The following SCFD1 variants were observed in gnomAD, a reference collection of about 807,000 sequenced individuals.
The protein encoded by SCFD1 is sec1 family domain containing 1, also known as sec1 family domain-containing protein 1.
In SCFD1, 37 loss-of-function variants were observed where a neutral mutation model predicts 103.2. That is an observed-to-expected ratio of 0.36 (90% CI 0.28 to 0.47). SCFD1 has a LOEUF of 0.47. SCFD1 is among the 20% of genes least tolerant of loss of function. The pLI, the probability that SCFD1 is intolerant of heterozygous loss-of-function variation, is 1.00. For missense variants in SCFD1, 639 were observed against 761.2 expected, an observed-to-expected ratio of 0.84 and a Z score of 1.89; for synonymous variants, 264 against 245.0, an observed-to-expected ratio of 1.08 and a Z score of -0.73.
chr14:30,654,400 G>A (rs1022011788), intron 10 of SCFD1, among the ~76,000 whole-genome samples: 4 of 152,230 alleles, frequency 2.6e-5, no homozygotes, highest in African/African-American at 9.6e-5. Context: ...AAAGCTGAGT[G>A]TAGTGGCTCA....
chr14:30,677,784 A>G (rs1889145268), intron 14 of SCFD1, among the ~76,000 whole-genome samples: 2 of 137,914 alleles, frequency 1.5e-5, no homozygotes, highest in African/African-American at 5.5e-5. Context: ...TTTCTTGACC[A>G]TCTGAGCTTT....
At chr14:30,667,729 T>G (rs563858974) in intron 10 of SCFD1, among the ~76,000 whole-genome samples, 1 of 152,324 alleles carries the variant, frequency 6.6e-6, no homozygotes, top group East Asian at 1.9e-4. Context: ...AAAATCAATG[T>G]GCAAAAATCA....
At chr14:30,669,200 TA>T (rs1487191938) in intron 10 of SCFD1, among the ~76,000 whole-genome samples, 1 of 152,118 alleles carries the variant, frequency 6.6e-6, no homozygotes, top group Non-Finnish European at 1.5e-5. Context: ...TTGTTTTATC[TA>T]AAGGAGACTG....
intron 10 of SCFD1, 118 bp from the exon 11 acceptor site, chr14:30,670,138 G>A (rs1566616979): frequency 2.7e-6 from 2 of 729,484 alleles, no homozygotes; most frequent in South Asian, 3.9e-5. Flanking sequence ...AGATTGGGAG[G>A]AGATGTTTTA....
chr14:30,670,228 T>C, intron 10 of SCFD1, 28 bp from the exon 11 acceptor site: 3 of 1,532,698 alleles, frequency 2.0e-6, no homozygotes, highest in Non-Finnish European at 2.6e-6. Context: ...AGAAAACAGT[T>C]GTTTAACACA....
chr14:30,665,008 A>G (rs554463442), intron 10 of SCFD1, among the ~76,000 whole-genome samples: 21 of 152,360 alleles, frequency 1.4e-4, no homozygotes, highest in Admixed American at 9.2e-4. Flanking sequence ...CCAACCTAGC[A>G]AGACAGGCCA....
At chr14:30,676,449 A>G (rs367717466) in intron 14 of SCFD1, 9 of 152,190 alleles carry the variant, frequency 5.9e-5, no homozygotes, top group Non-Finnish European at 1.2e-4. Context: ...ATGTGAGGCA[A>G]TGGGATATGA....
At chr14:30,629,715 T>C (rs1156246442) in intron 2 of SCFD1, among the ~76,000 whole-genome samples, 1 of 151,924 alleles carries the variant, frequency 6.6e-6, no homozygotes, top group Non-Finnish European at 1.5e-5. Context: ...GTAGCTGGGA[T>C]TACAGGCACG....
At chr14:30,723,823 T>C (rs1489835719) in intron 23 of SCFD1, among the ~76,000 whole-genome samples, 2 of 152,210 alleles carry the variant, frequency 1.3e-5, no homozygotes, top group East Asian at 1.9e-4. Context: ...GTTGATTCCA[T>C]GTCTTTGCTA....
At chr14:30,712,086 GAGAC>G (rs777783333) in intron 19 of SCFD1, among the ~76,000 whole-genome samples, 21 of 145,572 alleles carry the variant, frequency 1.4e-4, no homozygotes, top group Admixed American at 1.0e-3. Context: ...ATTTTGGAAA[GAGAC>G]AGCCCATCTT....
At chr14:30,725,120 T>C (rs962293714) in intron 23 of SCFD1, among the ~76,000 whole-genome samples, 3 of 152,230 alleles carry the variant, frequency 2.0e-5, no homozygotes, top group Non-Finnish European at 4.4e-5. Context: ...GGTAGCATGA[T>C]GCCTCCAGCT....
intron 11 of SCFD1, among the ~76,000 whole-genome samples, chr14:30,672,392 C>G (rs968491967): frequency 1.3e-5 from 2 of 152,084 alleles, no homozygotes; most frequent in South Asian, 4.1e-4. Flanking sequence ...GTCTTTTCTG[C>G]TAGTCTCCAT....
intron 17 of SCFD1, among the ~76,000 whole-genome samples, chr14:30,705,375 C>T (rs1337811609): frequency 2.0e-5 from 3 of 152,196 alleles, no homozygotes; most frequent in African/African-American, 7.2e-5. Context: ...CATGGTTGTT[C>T]TTTTAAGCCA....
chr14:30,729,666 T>G (rs192138113), intron 23 of SCFD1, among the ~76,000 whole-genome samples: 105 of 152,346 alleles, frequency 6.9e-4, no homozygotes, highest in African/African-American at 2.5e-3. Flanking sequence ...CTGGGTCTTT[T>G]GCAATTTTTT....
intron 22 of SCFD1, among the ~76,000 whole-genome samples, 191 bp downstream of exon 22, chr14:30,722,108 C>A (rs1327386287): frequency 6.6e-6 from 1 of 152,048 alleles, no homozygotes; most frequent in African/African-American, 2.4e-5. Flanking sequence ...ACGGACAATT[C>A]ACAGGAAATG....
In SCFD1 at chr14:30,626,938, T is replaced by G. The variant is rs78463138; in HGVS notation, c.62-1271T>G. The stretch of plus-strand genomic sequence containing the variant: ...TTTTCTTGTGAGTGAATGAATATGC[T>G]GTAAGTTGATATTCAGGTGATTTTA... On this transcript the variant is annotated intron_variant, in intron 1 of 24. Transcript: ENST00000458591. 9.2e-4 allele frequency among the ~76,000 whole-genome samples: 140 copies of G among 152,368 alleles called. No individual in the cohort carries two copies. In the East Asian group the frequency reaches 0.025, roughly 28 times the overall value.
chr14:30,675,118 T>C (rs1433090095), intron 14 of SCFD1, 53 bp downstream of exon 14: 4 of 954,620 alleles, frequency 4.2e-6, no homozygotes, highest in Non-Finnish European at 6.3e-6. Context: ...CATAGGGTTT[T>C]ATACTTTGTA....
chr14:30,639,918 T>C (rs1885100743), intron 6 of SCFD1, 54 bp downstream of exon 6: 25 of 1,510,926 alleles, frequency 1.7e-5, no homozygotes, highest in Non-Finnish European at 4.4e-6. Flanking sequence ...AATGGTATAC[T>C]GTAAGAAAAA....
chr14:30,694,440 G>T (rs761406406), intron 14 of SCFD1, among the ~76,000 whole-genome samples: 1 of 152,054 alleles, frequency 6.6e-6, no homozygotes, highest in Non-Finnish European at 1.5e-5. Context: ...GGGAGGCTGA[G>T]ACGGGCAGAT....
Sources: allele counts gnomAD v4.1 joint callset (sites outside exome capture counted in the v4.1 genomes callset), GRCh38; gene constraint gnomAD v4.1.1; transcripts MANE v1.5; gene names NCBI Gene and HGNC (gene_info 2026-07-23, HGNC 2026-07-21).